SYN3: variants seen among roughly 807,000 people sequenced by gnomAD.
SYN3 encodes synapsin-3.
In SYN3, 35 loss-of-function variants were observed where a neutral mutation model predicts 65.8. That is an observed-to-expected ratio of 0.53 (90% confidence interval 0.41 to 0.70). SYN3 has a LOEUF of 0.70. Among genes scored for constraint, SYN3 ranks in the 30% least tolerant of loss-of-function variants. SYN3 has a pLI of 0.00. For missense variants in SYN3, 680 were observed against 749.0 expected (o/e 0.91, Z 1.08); for synonymous variants, 270 against 292.9 (o/e 0.92, Z 0.80).
At chr22:32,548,127 AC>A (rs931855453) in intron 7 of SYN3, among the ~76,000 whole-genome samples, 7 of 151,918 alleles carry the variant, frequency 4.6e-5, no homozygotes, top group African/African-American at 1.7e-4. Context: ...TACACAACAG[AC>A]CCCAGGTGTG....
rs1474890278 is a variant in SYN3 at position 32,959,846 on chromosome 22, TG to T, written c.369+20798del. Among the ~76,000 whole-genome samples the T allele has an allele frequency of 3.9e-5, 6 of 152,184 alleles. No individual in the cohort carries two copies. In the East Asian group the frequency reaches 1.2e-3, roughly 29 times the overall value. ...CTGGGCTCAAGTGATCCTTTTGCCT[TG>T]GCCTTCCAAAGTGCTGGGATTACAG... is the stretch of plus-strand genomic sequence containing the variant. On this transcript the variant is annotated intron_variant, in intron 3 of 13. Coordinates refer to ENST00000358763, the MANE Select transcript of SYN3 (RefSeq NM_003490.4).
intron 6 of SYN3, among the ~76,000 whole-genome samples, chr22:32,741,736 C>T (rs183553866): frequency 4.6e-5 from 7 of 152,198 alleles, no homozygotes; most frequent in African/African-American, 1.4e-4. Context: ...TAGTAGAAAC[C>T]TTTGTCAATA....
At chr22:32,688,568 T>A (rs1458388217) in intron 6 of SYN3, among the ~76,000 whole-genome samples, 1 of 152,120 alleles carries the variant, frequency 6.6e-6, no homozygotes, top group Non-Finnish European at 1.5e-5. Context: ...GGATTTCTGA[T>A]AGGAATTTGG....
intron 2 of SYN3, among the ~76,000 whole-genome samples, chr22:32,986,961 A>G (rs991769828): frequency 3.3e-5 from 5 of 152,240 alleles, no homozygotes; most frequent in African/African-American, 1.2e-4. Flanking sequence ...GGAAGTGTGT[A>G]TGAGAGAGAC....
chr22:32,564,599 G>A (rs111429518), intron 7 of SYN3, among the ~76,000 whole-genome samples: 6,802 of 150,816 alleles, frequency 0.045, 327 homozygotes, highest in East Asian at 0.23. Flanking sequence ...CAGTGCTCCC[G>A]GACTACACCC....
At chr22:32,824,896 A>G (rs2146086876) in intron 6 of SYN3, among the ~76,000 whole-genome samples, 1 of 152,322 alleles carries the variant, frequency 6.6e-6, no homozygotes, top group East Asian at 1.9e-4. Context: ...TTTATAAGAA[A>G]AGGAGCACAC....
At chr22:32,615,822 G>A (rs1172529452) in intron 6 of SYN3, among the ~76,000 whole-genome samples, 2 of 152,220 alleles carry the variant, frequency 1.3e-5, no homozygotes, top group Non-Finnish European at 2.9e-5. Flanking sequence ...TTCACAGCAC[G>A]GCTGGGCCAG....
intron 6 of SYN3, among the ~76,000 whole-genome samples, chr22:32,753,302 T>A (rs1860295950): frequency 6.6e-6 from 1 of 151,930 alleles, no homozygotes; most frequent in African/African-American, 2.4e-5. Context: ...TCCTTCCTAG[T>A]CCCAGGGAAC....
chr22:32,981,682 C>T (rs77718738), intron 2 of SYN3, among the ~76,000 whole-genome samples: 3,009 of 152,144 alleles, frequency 0.02, 87 homozygotes, highest in African/African-American at 0.067. Flanking sequence ...ATAAAAAGGT[C>T]TGAAATGATG....
At chr22:32,624,954 C>G (rs575162576) in intron 6 of SYN3, among the ~76,000 whole-genome samples, 2 of 152,330 alleles carry the variant, frequency 1.3e-5, no homozygotes, top group African/African-American at 4.8e-5. Context: ...TGCCTACCCT[C>G]TAGGTCATGA....
intron 3 of SYN3, among the ~76,000 whole-genome samples, chr22:32,960,013 G>A (rs1278383885): frequency 6.6e-6 from 1 of 152,180 alleles, no homozygotes. Context: ...AATTTAATTG[G>A]AAACAAAACT....
In SYN3 at chr22:32,647,033, T is replaced by C. The variant is rs142575033; in HGVS notation, c.712-50297A>G. On this transcript the variant is annotated intron_variant, in intron 6 of 13. Coordinates refer to ENST00000358763, the MANE Select transcript of SYN3 (RefSeq NM_003490.4). ...AAACTCTCTTGAACTTGAGTCAGCT[T>C]GAATACAGGTCTGTGTGTCCCTGTA... Among the ~76,000 whole-genome samples, 419 of 152,348 alleles carry C rather than the reference T, an allele frequency of 2.8e-3. 2 individuals carry two copies. The highest frequency in any genetic ancestry group is 9.4e-3 in the African/African-American group (389 of 41,590).
intron 6 of SYN3, among the ~76,000 whole-genome samples, chr22:32,814,129 TGTGTGTGTGTGTGA>T (rs1296607993): frequency 2.5e-4 from 34 of 137,428 alleles, no homozygotes; most frequent in Admixed American, 2.4e-3. Flanking sequence ...TGTGTGTGTG[TGTGTGTGTGTGTGA>T]GAGAGAGAGA....
chr22:32,998,422 A>G (rs2052950806), intron 2 of SYN3, among the ~76,000 whole-genome samples: 1 of 152,194 alleles, frequency 6.6e-6, no homozygotes, highest in Non-Finnish European at 1.5e-5. Context: ...ATAAAAGAAA[A>G]AAGAAACCAT....
chr22:32,971,825 A>C (rs1470766966), intron 3 of SYN3, among the ~76,000 whole-genome samples: 1 of 152,266 alleles, frequency 6.6e-6, no homozygotes, highest in Middle Eastern at 3.4e-3. Context: ...ATTCCCTGGG[A>C]GCTCCATCAC....
intron 6 of SYN3, among the ~76,000 whole-genome samples, chr22:32,645,513 T>G (rs927192516): frequency 3.2e-4 from 48 of 152,226 alleles, no homozygotes; most frequent in Admixed American, 9.2e-4. Context: ...ATCTTAAACT[T>G]GTCTGCTTTA....
chr22:32,795,762 G>C (rs1419065319), intron 6 of SYN3, among the ~76,000 whole-genome samples: 1 of 152,182 alleles, frequency 6.6e-6, no homozygotes, highest in Admixed American at 6.5e-5. Context: ...TGGAGAGGTA[G>C]AAAGCAGAAT....
chr22:32,604,880 C>T (rs923221333), intron 6 of SYN3, among the ~76,000 whole-genome samples: 3 of 151,780 alleles, frequency 2.0e-5, no homozygotes, highest in Non-Finnish European at 4.4e-5. Flanking sequence ...GTGGCGGGTG[C>T]CTGTAGTCCC....
rs1253096632 is a variant in SYN3, at chr22:32,530,576, C to CT, written c.1096-1569dup. 6.0e-4 allele frequency among the ~76,000 whole-genome samples: 90 copies of CT among 150,416 alleles called. 1 individual carries two copies. The highest frequency in any genetic ancestry group is 2.2e-3 in the African/African-American group (88 of 40,916). On this transcript the variant is annotated intron_variant, in intron 10 of 13. Coordinates refer to ENST00000358763, the MANE Select transcript of SYN3 (RefSeq NM_003490.4). ...GGCAAGTTTCTTTTCCTCTACGGGC[C>CT]TATTTTTTTTTTTTTTTTTCTCAAC...
Sources: allele counts gnomAD v4.1 joint callset (sites outside exome capture counted in the v4.1 genomes callset), GRCh38; gene constraint gnomAD v4.1.1; transcripts MANE v1.5; gene names NCBI Gene and HGNC (gene_info 2026-07-23, HGNC 2026-07-21).